CHM: variants seen among roughly 807,000 people sequenced by gnomAD.
CHM encodes the protein rab proteins geranylgeranyltransferase component A 1.
Under a neutral mutation model 49.0 loss-of-function variants are expected in CHM, and 10 were observed. The ratio of observed to expected loss-of-function variants is 0.20; its 90% CI spans 0.13 to 0.35. The LOEUF is 0.35. Ranked by LOEUF, CHM falls within the 10% of genes least tolerant of loss-of-function variation. CHM has a pLI of 1.00. For synonymous variants in CHM, 184 were observed against 167.5 expected (o/e 1.10, Z -0.76); for missense variants, 455 against 478.4 (o/e 0.95, Z 0.46).
chrX:85,936,801 T>C (rs1928805885), intron 8 of CHM, among the ~76,000 whole-genome samples: 2 of 112,055 alleles, frequency 1.8e-5, no homozygotes, highest in Non-Finnish European at 3.8e-5. Flanking sequence ...GCCTTAGATC[T>C]GGCTGCCTTT....
intron 1 of CHM, among the ~76,000 whole-genome samples, chrX:86,030,357 A>G (rs1273422424): frequency 8.9e-6 from 1 of 112,692 alleles, no homozygotes; most frequent in Non-Finnish European, 1.9e-5. Context: ...TAGCAAACTA[A>G]TAATACAGTT....
chrX:85,864,660 G>T lies in CHM; in HGVS notation c.1932C>A (p.Asn644Lys). Residue 644 changes from asparagine to lysine, a missense_variant, in exon 15 of 15, where the codon AAC becomes AAA. Coordinates refer to ENST00000357749, the MANE Select transcript of CHM (RefSeq NM_000390.4). ...CAGAGGACTCCTCTAGGTTTCCAAG[G>T]TTTGTGCTTTCCTTGAAAGTCTCCG... is the stretch of plus-strand genomic sequence containing the variant. ...ANSETFKEST[N>K]LGNLEESSE is the part of the protein sequence containing the mutation. 1 of 1,210,264 alleles carries T rather than the reference G, an allele frequency of 8.3e-7. No individual in the cohort carries two copies. The highest frequency in any genetic ancestry group is 1.1e-6 in the Non-Finnish European group (1 of 894,825).
At chrX:85,867,434 T>C (rs1362574273) in intron 14 of CHM, among the ~76,000 whole-genome samples, 1 of 112,293 alleles carries the variant, frequency 8.9e-6, no homozygotes, top group Non-Finnish European at 1.9e-5. Context: ...GGTATCTTTA[T>C]AGCAGTGTGA....
chrX:85,898,015 G>C (rs905312514), intron 11 of CHM, among the ~76,000 whole-genome samples: 2 of 111,145 alleles, frequency 1.8e-5, no homozygotes. Context: ...ATGAGGAATT[G>C]TACGTCTCTT....
rs750562056 is a variant in CHM at position 85,877,276 on chromosome X, CA to C, written c.1609+1688del. The stretch of plus-strand genomic sequence containing the variant: ...CTTCATTTGGGTAGCTCCCAAAAAA[CA>C]TAATTGATATTAGCCTCTGAGAACA... On this transcript the variant is annotated intron_variant, in intron 13 of 14. Transcript: ENST00000357749. 8.5e-4 allele frequency among the ~76,000 whole-genome samples: 95 copies of C among 111,519 alleles called. 1 individual carries two copies. Among genetic ancestry groups the C allele is most frequent in the Admixed American group, 1.1e-3 (12 of 10,459 alleles).
intron 1 of CHM, among the ~76,000 whole-genome samples, chrX:86,040,722 C>T (rs1211430066): frequency 2.7e-5 from 3 of 111,982 alleles, no homozygotes; most frequent in Non-Finnish European, 5.6e-5. Flanking sequence ...AATATGATAA[C>T]ATGCTAGCTC....
At chrX:85,889,189 G>A (rs749208408) in intron 12 of CHM, among the ~76,000 whole-genome samples, 1 of 111,627 alleles carries the variant, frequency 9.0e-6, no homozygotes, top group South Asian at 3.8e-4. Flanking sequence ...AAAAGCAATT[G>A]CAACAAAAAC....
intron 11 of CHM, among the ~76,000 whole-genome samples, chrX:85,897,257 G>GTA (rs754745311): frequency 3.5e-4 from 34 of 96,895 alleles, no homozygotes; most frequent in Admixed American, 7.4e-4. Context: ...ATAGAAAGTA[G>GTA]TATATATATA....
Position 85,900,709 on chromosome X carries a change from C to G in CHM, c.1350G>C (p.Arg450Ser). The G allele has an allele frequency of 8.5e-7, 1 of 1,173,462 alleles. No individual in the cohort carries two copies. Among genetic ancestry groups the G allele is most frequent in the Non-Finnish European group, 1.2e-6 (1 of 862,791 alleles). Residue 450 changes from arginine (R) to serine (S), a missense_variant and splice_region_variant, in exon 11 of 15, where the codon AGG (arginine) becomes AGC (serine). Coordinates refer to ENST00000357749, the MANE Select transcript of CHM (RefSeq NM_000390.4). Reference protein sequence around the residue: ...PENMCSRVQYRQISRAVLITD... With the variant: ...PENMCSRVQYSQISRAVLITD... ...TAATCAGCACTGCCCTGGAGATCTG[C>G]CTGTAATGCACAAAACAGTGAAGCA...
chrX:85,914,444 T>C (rs1241466808), intron 8 of CHM, among the ~76,000 whole-genome samples: 2 of 110,905 alleles, frequency 1.8e-5, no homozygotes, highest in African/African-American at 6.6e-5. Flanking sequence ...CTGTCATAGA[T>C]CATTGACTGA....
At chrX:85,919,894 T>G (rs976894427) in intron 8 of CHM, among the ~76,000 whole-genome samples, 1 of 109,730 alleles carries the variant, frequency 9.1e-6, no homozygotes, top group African/African-American at 3.3e-5. Flanking sequence ...ATTTTCTTCA[T>G]GTATCTTATG....
At chrX:85,904,005 T>A (rs1463829906) in intron 9 of CHM, among the ~76,000 whole-genome samples, 1 of 111,603 alleles carries the variant, frequency 9.0e-6, no homozygotes, top group Non-Finnish European at 1.9e-5. Context: ...TAACTTACTG[T>A]CATATATTCA....
intron 1 of CHM, among the ~76,000 whole-genome samples, chrX:86,037,918 G>T (rs1351184730): frequency 9.0e-6 from 1 of 111,122 alleles, no homozygotes; most frequent in Non-Finnish European, 1.9e-5. Context: ...AAGAAAAAAA[G>T]CTCCATAAAC....
intron 1 of CHM, among the ~76,000 whole-genome samples, chrX:86,044,962 C>T (rs1283962174): frequency 8.9e-6 from 1 of 111,733 alleles, no homozygotes; most frequent in Non-Finnish European, 1.9e-5. Context: ...CATAATCTCT[C>T]GAAAATATGA....
intron 12 of CHM, among the ~76,000 whole-genome samples, chrX:85,883,470 T>C (rs1924885077): frequency 1.8e-5 from 2 of 111,298 alleles, no homozygotes; most frequent in South Asian, 7.5e-4. Flanking sequence ...TGACACACAA[T>C]TTAATTTTTT....
chrX:85,979,038 G>A (rs922904982), intron 3 of CHM, 147 bp from the exon 4 acceptor site: 9 of 536,165 alleles, frequency 1.7e-5, no homozygotes, highest in Non-Finnish European at 2.3e-5. Context: ...ACCAAAGAAA[G>A]TCCAACAAGT....
chrX:85,889,633 A>G (rs1436478202), intron 12 of CHM, among the ~76,000 whole-genome samples: 5 of 112,239 alleles, frequency 4.5e-5, no homozygotes, highest in African/African-American at 1.6e-4. Flanking sequence ...CCACTGTGGA[A>G]AGCAGTTTGG....
intron 8 of CHM, among the ~76,000 whole-genome samples, chrX:85,926,795 A>G (rs1164196101): frequency 9.0e-6 from 1 of 111,488 alleles, no homozygotes; most frequent in African/African-American, 3.2e-5. Flanking sequence ...TTTTTAATAG[A>G]GATTTTTTAA....
At chrX:85,966,348 T>TAAAAAAAAAAAAAAAAACAAAAAAA (rs1930584189) in intron 4 of CHM, among the ~76,000 whole-genome samples, 1 of 67,128 alleles carries the variant, frequency 1.5e-5, no homozygotes, top group African/African-American at 5.3e-5. Flanking sequence ...AAACTCCGTC[T>TAAAAAAAAAAAAAAAAACAAAAAAA]AAAAAAAAAA....
Sources: allele counts gnomAD v4.1 joint callset (sites outside exome capture counted in the v4.1 genomes callset), GRCh38; gene constraint gnomAD v4.1.1; transcripts MANE v1.5; gene names NCBI Gene and HGNC (gene_info 2026-07-23, HGNC 2026-07-21).